PDE1C: variants seen among roughly 807,000 people sequenced by gnomAD.
The protein encoded by PDE1C is phosphodiesterase 1C.
In PDE1C, 62 loss-of-function variants were observed where a neutral mutation model predicts 93.1. That is an observed-to-expected ratio of 0.67 (90% CI 0.54 to 0.82). The LOEUF is 0.82. Ranked by LOEUF, PDE1C falls within the 40% of genes least tolerant of loss-of-function variation. The pLI is 0.00. For missense variants in PDE1C, 742 were observed against 884.6 expected (o/e 0.84, Z 2.04); for synonymous variants, 325 against 310.1 (o/e 1.05, Z -0.50).
intron 11 of PDE1C, among the ~76,000 whole-genome samples, chr7:31,829,626 G>T (rs936395708): frequency 6.6e-6 from 1 of 152,122 alleles, no homozygotes; most frequent in South Asian, 2.1e-4. Context: ...CAACAGTGGG[G>T]TCACAATGGG....
intron 1 of PDE1C, among the ~76,000 whole-genome samples, chr7:32,306,545 T>C (rs1296930693): frequency 6.6e-6 from 1 of 152,190 alleles, no homozygotes; most frequent in African/African-American, 2.4e-5. Flanking sequence ...CAACAGCCTC[T>C]CACCTCCACA....
intron 2 of PDE1C, among the ~76,000 whole-genome samples, chr7:32,049,366 A>G (rs527613824): frequency 4.6e-5 from 7 of 152,110 alleles, no homozygotes; most frequent in South Asian, 4.2e-4. Flanking sequence ...CTTGGACCCA[A>G]GTTTGCTCAA....
At chr7:32,165,865 C>T (rs1412235591) in intron 3 of PDE1C, among the ~76,000 whole-genome samples, 2 of 152,140 alleles carry the variant, frequency 1.3e-5, no homozygotes, top group East Asian at 3.9e-4. Context: ...GGACCAGCAG[C>T]ATCAGTATAA....
At chr7:32,007,396 T>C (rs1786421687) in intron 2 of PDE1C, among the ~76,000 whole-genome samples, 1 of 152,224 alleles carries the variant, frequency 6.6e-6, no homozygotes, top group South Asian at 2.1e-4. Context: ...TTTTAAGATA[T>C]TGTAAATCAG....
the PDE1C span, among the ~76,000 whole-genome samples, chr7:31,673,092 T>A: frequency 6.6e-6 from 1 of 152,146 alleles, no homozygotes; most frequent in South Asian, 2.1e-4. Flanking sequence ...CCTCTTTCCT[T>A]CCTAAATTAT....
intron 1 of PDE1C, among the ~76,000 whole-genome samples, chr7:32,313,509 T>C (rs1179192648): frequency 1.3e-5 from 2 of 151,870 alleles, no homozygotes; most frequent in Non-Finnish European, 2.9e-5. Context: ...AACCCAAATG[T>C]CCAACAACGA....
chr7:32,236,909 TAG>T (rs1430297172), intron 1 of PDE1C, among the ~76,000 whole-genome samples: 1 of 151,966 alleles, frequency 6.6e-6, no homozygotes, highest in Non-Finnish European at 1.5e-5. Flanking sequence ...AGTGGGTGAA[TAG>T]ATAAACAAAC....
intron 17 of PDE1C, among the ~76,000 whole-genome samples, chr7:31,759,810 G>T (rs1228117938): frequency 6.6e-6 from 1 of 151,714 alleles, no homozygotes; most frequent in African/African-American, 2.4e-5. Context: ...TCTCCCAAAG[G>T]TATCTATGAT....
chr7:31,755,893 C>T (rs376072152), intron 17 of PDE1C, among the ~76,000 whole-genome samples: 56 of 152,236 alleles, frequency 3.7e-4, no homozygotes, highest in South Asian at 1.0e-3. Context: ...AGGCTTGGCA[C>T]GGTGGCTCAT....
chr7:31,842,009 G>A (rs1435725889), intron 9 of PDE1C, among the ~76,000 whole-genome samples: 1 of 152,116 alleles, frequency 6.6e-6, no homozygotes, highest in Non-Finnish European at 1.5e-5. Context: ...GTCAACTCAT[G>A]TTAGGAAGGG....
intron 2 of PDE1C, among the ~76,000 whole-genome samples, chr7:31,882,105 T>G (rs1186710827): frequency 6.6e-6 from 1 of 152,058 alleles, no homozygotes; most frequent in East Asian, 1.9e-4. Context: ...GGATCAACCT[T>G]AAAAAGTAAG....
chr7:31,839,593 C>T (rs1000992112), intron 9 of PDE1C, among the ~76,000 whole-genome samples: 1 of 152,140 alleles, frequency 6.6e-6, no homozygotes, highest in African/African-American at 2.4e-5. Context: ...AACGGACATT[C>T]AAGTTATTAG....
rs1437081510 is a variant in PDE1C, at chr7:32,183,801, A to G, written c.137-13845T>C. Among the ~76,000 whole-genome samples the G allele has an allele frequency of 1.4e-4, 21 of 152,256 alleles. No individual in the cohort carries two copies. In the South Asian group the frequency reaches 1.9e-3, roughly 14 times the overall value. On this transcript the variant is annotated intron_variant, in intron 2 of 18. Transcript: ENST00000396193. ...GCAACAAAAGACAAAATTGACAAATAGGATCTAATTAAACTAAAGAGCTTC... is the reference window on the plus strand; with the variant it reads ...GCAACAAAAGACAAAATTGACAAATGGGATCTAATTAAACTAAAGAGCTTC...
At chr7:32,261,909 A>T (rs1158693210) in intron 1 of PDE1C, among the ~76,000 whole-genome samples, 1 of 152,162 alleles carries the variant, frequency 6.6e-6, no homozygotes, top group East Asian at 1.9e-4. Context: ...TAATGGGCTA[A>T]AATTATCCTG....
intron 2 of PDE1C, among the ~76,000 whole-genome samples, chr7:31,923,925 T>C (rs1048334591): frequency 5.3e-5 from 8 of 152,204 alleles, no homozygotes; most frequent in Non-Finnish European, 1.2e-4. Context: ...CCTCTAGACA[T>C]AGGTGTTATA....
intron 1 of PDE1C, among the ~76,000 whole-genome samples, chr7:32,389,281 T>A (rs1445110008): frequency 2.0e-5 from 3 of 151,880 alleles, no homozygotes; most frequent in African/African-American, 7.3e-5. Context: ...ATTGGTGCAA[T>A]CTCAGCTCAG....
At chr7:32,316,323 T>C (rs1253260977) in intron 1 of PDE1C, among the ~76,000 whole-genome samples, 2 of 152,188 alleles carry the variant, frequency 1.3e-5, no homozygotes, top group Non-Finnish European at 2.9e-5. Flanking sequence ...ATGGTCCATG[T>C]TTACCAACGA....
chr7:31,764,179 C>A (rs1197482729), intron 17 of PDE1C, among the ~76,000 whole-genome samples: 1 of 152,094 alleles, frequency 6.6e-6, no homozygotes, highest in Non-Finnish European at 1.5e-5. Flanking sequence ...AAGACGGAGT[C>A]TTGATCTGTT....
At chr7:31,927,758 C>T (rs1803592666) in intron 2 of PDE1C, among the ~76,000 whole-genome samples, 1 of 152,146 alleles carries the variant, frequency 6.6e-6, no homozygotes, top group South Asian at 2.1e-4. Flanking sequence ...ACAAAAAGGA[C>T]ACCCACAGAA....
Sources: allele counts gnomAD v4.1 joint callset (sites outside exome capture counted in the v4.1 genomes callset), GRCh38; gene constraint gnomAD v4.1.1; transcripts MANE v1.5; gene names NCBI Gene and HGNC (gene_info 2026-07-23, HGNC 2026-07-21).